Variants in SLC27A3 observed in about 807,000 individuals in gnomAD.
SLC27A3 encodes long-chain fatty acid transport protein 3.
Under a neutral mutation model 60.1 loss-of-function variants are expected in SLC27A3, and 60 were observed. The observed-to-expected ratio is 1.00, with a 90% CI of 0.81 to 1.24. The LOEUF is 1.24. Among genes scored for constraint, SLC27A3 ranks in the 50% most tolerant of loss-of-function variants. SLC27A3 has a pLI of 0.00. For synonymous variants in SLC27A3, 455 were observed against 409.0 expected, an observed-to-expected ratio of 1.11 and a Z score of -1.36; for missense variants, 1,079 against 929.9, an observed-to-expected ratio of 1.16 and a Z score of -2.09.
chr1:153,779,246 C>G (rs762778149), intron 8 of SLC27A3, 35 bp downstream of exon 8: 1 of 1,612,862 alleles, frequency 6.2e-7, no homozygotes, highest in Non-Finnish European at 8.5e-7. Flanking sequence ...AGGCACCCAG[C>G]CACCACCCCG....
In SLC27A3 at chr1:153,779,452, G is replaced by T; in HGVS notation, c.1854G>T (p.Arg618=). 6.2e-7 allele frequency: 1 copy of T among 1,613,444 alleles called. No homozygotes were observed. Among genetic ancestry groups the T allele is most frequent in the East Asian group, 2.2e-5 (1 of 44,848 alleles). ...CTGAGAACTTGCCACCTTATGCCCGGCCCCGATTCCTCAGGCTCCAGGTAA... is the reference window on the plus strand; with the variant it reads ...CTGAGAACTTGCCACCTTATGCCCGTCCCCGATTCCTCAGGCTCCAGGTAA... ...HVSENLPPYA[R]PRFLRLQESL... Residue 618 remains arginine (R), a synonymous_variant, in exon 9 of 10, where the codon CGG becomes CGT. Transcript: ENST00000624995.
chr1:153,776,235 A>AGGG, intron 1 of SLC27A3, 71 bp downstream of exon 1: 1 of 1,401,566 alleles, frequency 7.1e-7, no homozygotes, highest in Non-Finnish European at 9.2e-7. Flanking sequence ...GACCACAGAA[A>AGGG]GGCTTGGTCT....
At position 153,778,180 on chromosome 1, in the gene SLC27A3, A is replaced by G. The variant is rs377578450; in HGVS notation, c.1181A>G (p.His394Arg). 6 of 1,610,686 alleles carry G rather than the reference A, an allele frequency of 3.7e-6. No individual in the cohort carries two copies. The highest frequency in any genetic ancestry group is 2.2e-5 in the East Asian group (1 of 44,880). ...TCTCAGAGCAAGGCAGAACGTGGCC[A>G]TAAGGTCCGGCTGGCAGTGGGCAGC... ...NQPPSKAERG[H>R]KVRLAVGSGL... is the part of the protein sequence containing the mutation. Residue 394 changes from histidine (H) to arginine (R), a missense_variant, in exon 5 of 10, where the codon CAT (histidine) becomes CGT (arginine). Coordinates refer to ENST00000624995, the MANE Select transcript of SLC27A3 (RefSeq NM_024330.4).
rs199984591 is a variant in SLC27A3, at chr1:153,777,791, C to T, written c.1067C>T (p.Ser356Leu). 264 of 1,614,256 alleles carry T rather than the reference C, an allele frequency of 1.6e-4. 1 individual carries two copies. The highest frequency in any genetic ancestry group is 1.2e-3 in the Middle Eastern group (7 of 6,062). Residue 356 changes from serine to leucine, a missense_variant, in exon 4 of 10, where the codon TCG becomes TTG. Physicochemically the swap from Ser to Leu is moderately radical, Grantham distance 145. Coordinates refer to ENST00000624995, the MANE Select transcript of SLC27A3 (RefSeq NM_024330.4). ...ACAGTGGTGCTGAAATCCAAGTTCT[C>T]GGCTGGTCAGTTCTGGGAAGATTGC... ...GATVVLKSKFSAGQFWEDCQQ... is the reference protein window; with the variant it reads ...GATVVLKSKFLAGQFWEDCQQ...
chr1:153,779,513 A>G (rs1673428965), intron 9 of SLC27A3, 40 bp downstream of exon 9: 5 of 1,596,318 alleles, frequency 3.1e-6, no homozygotes, highest in Non-Finnish European at 3.4e-6. Context: ...CACCCCATAT[A>G]TCCTCACCCC....
chr1:153,779,361 G>A lies in SLC27A3; in HGVS notation c.1763G>A (p.Gly588Glu), dbSNP rs1570903329. ...CCACCAGGGCATGAAGGCAGGGCTG[G>A]AATGGCAGCCCTAGTTCTGCGTCCC... ...VTVPGHEGRA[G>E]MAALVLRPPH... The change falls in exon 9 of 10, where the codon GGA becomes GAA. Residue 588 changes from glycine to glutamate, a missense_variant. By Grantham distance (98) the Gly-to-Glu change is moderately conservative. Transcript: ENST00000624995. 2 of 1,614,064 alleles carry A rather than the reference G, an allele frequency of 1.2e-6. No homozygotes were observed. The highest frequency in any genetic ancestry group is 1.7e-6 in the Non-Finnish European group (2 of 1,179,964).
chr1:153,777,936 G>A (rs369603791), intron 4 of SLC27A3, 51 bp downstream of exon 4: 533 of 1,612,242 alleles, frequency 3.3e-4, no homozygotes, highest in Admixed American at 1.8e-3. Flanking sequence ...GCTAGCTCAC[G>A]GGGAGCAGGA....
Position 153,780,025 on chromosome 1 carries a change from TGA to T in SLC27A3, c.*29_*30del. 1.3e-6 allele frequency: 2 copies of T among 1,596,272 alleles called. No individual in the cohort carries two copies. The highest frequency in any genetic ancestry group is 1.7e-6 in the Non-Finnish European group (2 of 1,170,262). ...TGAGAACTTCCACACCTGAGGCACC[TGA>T]GAGAGGAACTCTGTGGGGTGGGGGC... On this transcript the variant is annotated 3_prime_UTR_variant, in exon 10 of 10. Transcript: ENST00000624995.
chr1:153,780,046 T>A lies in SLC27A3; in HGVS notation c.*44T>A, dbSNP rs756563422. 37 of 1,553,934 alleles carry A rather than the reference T, an allele frequency of 2.4e-5. 1 individual carries two copies. The highest frequency in any genetic ancestry group is 3.1e-5 in the Non-Finnish European group (35 of 1,143,230). ...CACCTGAGAGAGGAACTCTGTGGGG[T>A]GGGGGCCGTTGCAGGTGTACTGGGC... On this transcript the variant is annotated 3_prime_UTR_variant, in exon 10 of 10. Coordinates refer to ENST00000624995, the MANE Select transcript of SLC27A3 (RefSeq NM_024330.4).
Position 153,779,979 on chromosome 1 carries a change from C to T in SLC27A3, c.2029C>T (p.Leu677=). ...PLTTARYSAL[L]AGNLRI Reference sequence around the variant, plus strand: ...CACAACTGCCCGGTACAGCGCCCTCCTGGCAGGAAACCTTCGAATCTGAGA... The same window carrying T: ...CACAACTGCCCGGTACAGCGCCCTCTTGGCAGGAAACCTTCGAATCTGAGA... The change falls in exon 10 of 10, where the codon CTG becomes TTG. Residue 677 remains leucine, a synonymous_variant. Coordinates refer to ENST00000624995, the MANE Select transcript of SLC27A3 (RefSeq NM_024330.4). The T allele has an allele frequency of 1.9e-6, 3 of 1,613,554 alleles. No individual in the cohort carries two copies. The highest frequency in any genetic ancestry group is 1.7e-6 in the Non-Finnish European group (2 of 1,179,742).
At chr1:153,776,270 G>A in intron 1 of SLC27A3, 106 bp downstream of exon 1, 1 of 1,417,280 alleles carries the variant, frequency 7.1e-7, no homozygotes, top group Non-Finnish European at 9.2e-7. Flanking sequence ...GGAAGAAGCC[G>A]ACTATCCCTT....
Position 153,779,219 on chromosome 1 carries a change from G to A in SLC27A3, c.1744+8G>A. The A allele has an allele frequency of 1.2e-6, 2 of 1,614,046 alleles. No homozygotes were observed. Among genetic ancestry groups the A allele is most frequent in the Non-Finnish European group, 8.5e-7 (1 of 1,179,930 alleles). On this transcript the variant is annotated splice_region_variant and intron_variant, in intron 8 of 9. Transcript: ENST00000624995. Reference sequence around the variant, plus strand: ...ATGGAGTCACTGTGCCAGGTGCCTAGGCATGGAAGGTGGGGGAGGCACCCA... The same window carrying A: ...ATGGAGTCACTGTGCCAGGTGCCTAAGCATGGAAGGTGGGGGAGGCACCCA...
rs577404258 is a variant in SLC27A3 at position 153,776,147 on chromosome 1, C to T, written c.650C>T (p.Ala217Val). 1.5e-5 allele frequency: 22 copies of T among 1,425,066 alleles called. No homozygotes were observed. Among genetic ancestry groups the T allele is most frequent in the Non-Finnish European group, 1.9e-5 (21 of 1,102,460 alleles). 88.3% of individuals were successfully genotyped at this position (1,425,066 alleles called of 1,614,324 possible). A position where few individuals can be genotyped will look rare whatever the true frequency, so the allele number is the denominator to read the frequency against. ...LHCLRSCGARALVLAPEFLES... is the reference protein window; with the variant it reads ...LHCLRSCGARVLVLAPEFLES... ...TGCCTCCGCAGCTGCGGCGCGCGCG[C>T]GCTGGTGCTGGCGCCAGGTAAGGCT... Residue 217 changes from alanine to valine, a missense_variant, in exon 1 of 10, where the codon GCG becomes GTG. Ala to Val is a moderately conservative substitution (Grantham distance 64, BLOSUM62 0). Coordinates refer to ENST00000624995, the MANE Select transcript of SLC27A3 (RefSeq NM_024330.4).
chr1:153,777,014 C>T (rs751868454), intron 2 of SLC27A3, 48 bp from the exon 3 acceptor site: 12 of 1,600,412 alleles, frequency 7.5e-6, no homozygotes, highest in Non-Finnish European at 1.0e-5. Context: ...ATAGGTAGAG[C>T]TTGGAGTTTG....
In SLC27A3 at chr1:153,779,390, C is replaced by G. The variant is rs372347674; in HGVS notation, c.1792C>G (p.His598Asp). The change falls in exon 9 of 10, where the codon CAC becomes GAC. Residue 598 changes from histidine to aspartate, a missense_variant. Physicochemically the swap from His to Asp is moderately conservative, Grantham distance 81. Transcript: ENST00000624995. ...GMAALVLRPP[H>D]ALDLMQLYTH... is the part of the protein sequence containing the mutation. ...GGCAGCCCTAGTTCTGCGTCCCCCC[C>G]ACGCTTTGGACCTTATGCAGCTCTA... The G allele has an allele frequency of 1.4e-5, 22 of 1,613,180 alleles. No individual in the cohort carries two copies. The highest frequency in any genetic ancestry group is 2.2e-5 in the East Asian group (1 of 44,832).
At chr1:153,779,691 T>C in intron 9 of SLC27A3, 135 bp from the exon 10 acceptor site, 1 of 948,296 alleles carries the variant, frequency 1.1e-6, no homozygotes, top group Non-Finnish European at 1.6e-6. Context: ...TTCTCCTCCC[T>C]GTCACCTCCT....
intron 9 of SLC27A3, 101 bp downstream of exon 9, chr1:153,779,574 A>G: frequency 7.4e-7 from 1 of 1,359,376 alleles, no homozygotes; most frequent in South Asian, 1.3e-5. Flanking sequence ...CCCAAACTCC[A>G]CAAAGGGACC....
At chr1:153,777,380 A>AC in intron 3 of SLC27A3, 160 bp downstream of exon 3, 1 of 861,048 alleles carries the variant, frequency 1.2e-6, no homozygotes, top group South Asian at 1.7e-5. Context: ...ACCTGCCTAG[A>AC]CCTACAGACT....
At chr1:153,777,697 G>A in intron 3 of SLC27A3, 64 bp from the exon 4 acceptor site, 3 of 1,593,242 alleles carry the variant, frequency 1.9e-6, no homozygotes, top group Non-Finnish European at 2.6e-6. Flanking sequence ...GGAAAGAGGG[G>A]CTTGGGCTCC....
Sources: gnomAD v4.1 joint callset for allele counts on GRCh38, gnomAD v4.1.1 for gene constraint, MANE v1.5 for transcripts, NCBI Gene and HGNC (gene_info 2026-07-23, HGNC 2026-07-21) for gene names.